TOX: variants seen among roughly 807,000 people sequenced by gnomAD.
The protein encoded by TOX is thymocyte selection associated high mobility group box.
A neutral mutation model predicts 53.7 loss-of-function variants in TOX; 11 were observed. That is an observed-to-expected ratio of 0.20 (90% confidence interval 0.13 to 0.34). TOX has a LOEUF of 0.34. TOX is among the 10% of genes least tolerant of loss of function. TOX has a pLI of 1.00. For missense variants in TOX, 570 were observed against 664.6 expected (o/e 0.86, Z 1.56); for synonymous variants, 225 against 245.3 (o/e 0.92, Z 0.77).
chr8:58,878,466 T>C (rs1811324179), intron 3 of TOX, among the ~76,000 whole-genome samples: 1 of 152,234 alleles, frequency 6.6e-6, no homozygotes, highest in South Asian at 2.1e-4. Flanking sequence ...TTAAATCTGC[T>C]TTGAAATAAT....
At position 58,838,293 on chromosome 8, in the gene TOX, G is replaced by A. The variant is rs1023235617; in HGVS notation, c.712C>T (p.Arg238Trp). 36 of 1,613,298 alleles carry A rather than the reference G, an allele frequency of 2.2e-5. No individual in the cohort carries two copies. Among genetic ancestry groups the A allele is most frequent in the Admixed American group, 3.3e-5 (2 of 59,962 alleles). ...DTSKINGGEK[R>W]PASDMGKKPK... ...TTTTTCCCCATATCAGAGGCAGGCCGCTTCTCTCCACCATTGATCTGAAAG... is the reference window on the plus strand; with the variant it reads ...TTTTTCCCCATATCAGAGGCAGGCCACTTCTCTCCACCATTGATCTGAAAG... Residue 238 changes from arginine (R) to tryptophan (W), a missense_variant, in exon 5 of 9, where the codon CGG becomes TGG. Physicochemically the swap from Arg to Trp is moderately radical, Grantham distance 101. This residue lies in a region of TOX where 282 missense variants were observed against 315.0 expected (regional missense o/e 0.90). Coordinates refer to ENST00000361421, the MANE Select transcript of TOX (RefSeq NM_014729.3).
At chr8:59,068,260 T>G (rs1369718343) in intron 1 of TOX, among the ~76,000 whole-genome samples, 2 of 152,074 alleles carry the variant, frequency 1.3e-5, no homozygotes, top group Non-Finnish European at 2.9e-5. Flanking sequence ...AAAATAATAT[T>G]TTCCCCAGTG....
At chr8:59,068,291 T>C (rs1804131300) in intron 1 of TOX, among the ~76,000 whole-genome samples, 2 of 152,012 alleles carry the variant, frequency 1.3e-5, no homozygotes, top group South Asian at 2.1e-4. Flanking sequence ...AATAACATTA[T>C]GACAAGATAT....
intron 1 of TOX, among the ~76,000 whole-genome samples, chr8:58,973,481 T>G (rs1314568207): frequency 6.6e-6 from 1 of 152,218 alleles, no homozygotes; most frequent in African/African-American, 2.4e-5. Context: ...GCTCCACGCA[T>G]CTGCTATTTT....
At chr8:59,102,628 C>T (rs559752858) in intron 1 of TOX, among the ~76,000 whole-genome samples, 1 of 152,302 alleles carries the variant, frequency 6.6e-6, no homozygotes, top group Admixed American at 6.5e-5. Flanking sequence ...TCATCTCCCA[C>T]CAGGTCTCTC....
chr8:59,118,323 G>C lies in TOX; in HGVS notation c.102+563C>G, dbSNP rs1805144916. ...CGGACCTGTGTCCGAACCCGGGCTC[G>C]GCTGCCGGAACCGGTTTGAGAAAAC... is the stretch of plus-strand genomic sequence containing the variant. On this transcript the variant is annotated intron_variant, in intron 1 of 8. Coordinates refer to ENST00000361421, the MANE Select transcript of TOX (RefSeq NM_014729.3). This position sits in a 1 kb window ranked among gnomAD's most constrained non-coding sequence, Gnocchi z 4.1. Among the ~76,000 whole-genome samples the C allele has an allele frequency of 6.6e-6, 1 of 152,206 alleles. No homozygotes were observed. Among genetic ancestry groups the C allele is most frequent in the Non-Finnish European group, 1.5e-5 (1 of 68,036 alleles).
At chr8:58,843,698 TC>T in intron 4 of TOX, among the ~76,000 whole-genome samples, 1 of 152,332 alleles carries the variant, frequency 6.6e-6, no homozygotes, top group South Asian at 2.1e-4. Context: ...CTGGGCATTG[TC>T]CCCTGATCTG....
At chr8:59,081,604 G>C (rs773187357) in intron 1 of TOX, among the ~76,000 whole-genome samples, 2 of 152,120 alleles carry the variant, frequency 1.3e-5, no homozygotes, top group African/African-American at 2.4e-5. Context: ...AGTAGCACTT[G>C]AAAAAGTGTC....
At chr8:59,082,803 G>A (rs913398518) in intron 1 of TOX, among the ~76,000 whole-genome samples, 3 of 152,136 alleles carry the variant, frequency 2.0e-5, no homozygotes, top group African/African-American at 4.8e-5. Flanking sequence ...CCTCATTTGC[G>A]TACCTCTACC....
rs543187649 is a variant in TOX, at chr8:58,922,372, T to C, written c.411+16930A>G. On this transcript the variant is annotated intron_variant, in intron 3 of 8. Coordinates refer to ENST00000361421, the MANE Select transcript of TOX (RefSeq NM_014729.3). ...TAGTGTTTGCGTGTATATATTGAAA[T>C]GTGCATGCGTGTGTATACACACATA... is the stretch of plus-strand genomic sequence containing the variant. 2.0e-5 allele frequency among the ~76,000 whole-genome samples: 3 copies of C among 152,378 alleles called. No homozygotes were observed. The East Asian group carries it at 5.8e-4, about 29-fold the overall frequency.
At position 59,118,375 on chromosome 8, in the gene TOX, G is replaced by A. The variant is rs1483994218; in HGVS notation, c.102+511C>T. Among the ~76,000 whole-genome samples the A allele has an allele frequency of 6.6e-6, 1 of 152,160 alleles. No individual in the cohort carries two copies. Among genetic ancestry groups the A allele is most frequent in the Non-Finnish European group, 1.5e-5 (1 of 68,030 alleles). On this transcript the variant is annotated intron_variant, in intron 1 of 8. Coordinates refer to ENST00000361421, the MANE Select transcript of TOX (RefSeq NM_014729.3). This position sits in a 1 kb window ranked among gnomAD's most constrained non-coding sequence, Gnocchi z 4.1. ...AAAGAGTTGTGGGGCAGTTTTCCCT[G>A]TGGGGGGCAGGGGCGCCTCCCAGGT...
chr8:58,913,267 G>T (rs543661870), intron 3 of TOX, among the ~76,000 whole-genome samples: 18 of 152,184 alleles, frequency 1.2e-4, no homozygotes, highest in Non-Finnish European at 2.2e-4. Flanking sequence ...AGTGAGCTAT[G>T]ATTGCACCAC....
chr8:58,839,251 A>G (rs1810602481), intron 4 of TOX, among the ~76,000 whole-genome samples: 1 of 152,222 alleles, frequency 6.6e-6, no homozygotes, highest in Admixed American at 6.5e-5. Flanking sequence ...AAAGCTAGTG[A>G]GCATTTGAAA....
intron 1 of TOX, among the ~76,000 whole-genome samples, chr8:59,034,300 C>G (rs1343338037): frequency 6.6e-6 from 1 of 152,260 alleles, no homozygotes; most frequent in African/African-American, 2.4e-5. Flanking sequence ...AAAGTAATCT[C>G]TATGATAATT....
chr8:58,942,494 C>A (rs982747268), intron 2 of TOX, among the ~76,000 whole-genome samples: 1 of 152,050 alleles, frequency 6.6e-6, no homozygotes, highest in South Asian at 2.1e-4. Flanking sequence ...TCATGATATG[C>A]TTATTTGCCA....
At position 58,887,149 on chromosome 8, in the gene TOX, G is replaced by A. The variant is rs115248115; in HGVS notation, c.412-35344C>T. Among the ~76,000 whole-genome samples, 583 of 151,968 alleles carry A rather than the reference G, an allele frequency of 3.8e-3. 2 individuals are homozygous for A. Among genetic ancestry groups the A allele is most frequent in the African/African-American group, 0.014 (568 of 41,538 alleles). ...ACACATTTTCTAATATTGAGCTACT[G>A]TTGCATGTTTGGAATAAATCTTTCT... On this transcript the variant is annotated intron_variant, in intron 3 of 8. Coordinates refer to ENST00000361421, the MANE Select transcript of TOX (RefSeq NM_014729.3).
chr8:58,839,253 C>T (rs1434747767), intron 4 of TOX, among the ~76,000 whole-genome samples: 1 of 152,180 alleles, frequency 6.6e-6, no homozygotes, highest in African/African-American at 2.4e-5. Flanking sequence ...AGCTAGTGAG[C>T]ATTTGAAATG....
At chr8:58,998,603 A>ATATGTAATAAATTTC in intron 1 of TOX, among the ~76,000 whole-genome samples, 1 of 145,338 alleles carries the variant, frequency 6.9e-6, no homozygotes, top group African/African-American at 2.5e-5. Context: ...TAATAAATTT[A>ATATGTAATAAATTTC]TGTAATAAAT....
intron 4 of TOX, among the ~76,000 whole-genome samples, chr8:58,840,881 AG>A (rs1810632161): frequency 6.6e-6 from 1 of 152,030 alleles, no homozygotes; most frequent in Non-Finnish European, 1.5e-5. Context: ...TCTCACTGTG[AG>A]GGCCCTCTCT....
Sources: allele counts gnomAD v4.1 joint callset (sites outside exome capture counted in the v4.1 genomes callset), GRCh38; gene constraint gnomAD v4.1.1; regional missense constraint gnomAD v4.1.1; non-coding constraint Gnocchi (gnomAD v3.1); transcripts MANE v1.5; gene names NCBI Gene and HGNC (gene_info 2026-07-23, HGNC 2026-07-21).